Variants in SYNPO2 observed in about 807,000 individuals in gnomAD.
SYNPO2 encodes synaptopodin 2, also known as synaptopodin-2.
A neutral mutation model predicts 85.0 loss-of-function variants in SYNPO2; 56 were observed. The observed-to-expected ratio is 0.66, with a 90% CI of 0.53 to 0.82. The LOEUF (loss-of-function observed/expected upper bound fraction) is 0.82, where lower values mean the gene tolerates loss of function less well. Among genes scored for constraint, SYNPO2 ranks in the 40% least tolerant of loss-of-function variants. The pLI is 0.00. For missense variants in SYNPO2, 1,575 were observed against 1,534.2 expected (o/e 1.03, Z -0.44); for synonymous variants, 602 against 591.1 (o/e 1.02, Z -0.27).
At chr4:118,880,652 G>A (rs1289834828) in intron 1 of SYNPO2, among the ~76,000 whole-genome samples, 2 of 151,600 alleles carry the variant, frequency 1.3e-5, no homozygotes, top group Non-Finnish European at 2.9e-5. Flanking sequence ...GGCGGCTGAG[G>A]CAGGAAATTG....
chr4:119,037,031 C>A, intron 4 of SYNPO2: 1 of 1,381,526 alleles, frequency 7.2e-7, no homozygotes. Context: ...TTTTTTGGTT[C>A]CAAATGTAAA....
chr4:119,058,109 TATAC>T lies in SYNPO2; in HGVS notation c.*177_*180del. On this transcript the variant is annotated 3_prime_UTR_variant, in exon 5 of 5. Transcript: ENST00000307142. The stretch of plus-strand genomic sequence containing the variant: ...GTGTGTGTGTGTGTATGTATGTGAA[TATAC>T]ACACACACACACACACAGGTGAGTG... The T allele has an allele frequency of 9.5e-6, 5 of 527,008 alleles. No individual in the cohort carries two copies. Among genetic ancestry groups the T allele is most frequent in the Non-Finnish European group, 1.6e-5 (5 of 303,204 alleles). 32.6% of individuals were successfully genotyped at this position (527,008 alleles called of 1,614,324 possible).
chr4:118,870,925 A>G (rs1417420745), intron 1 of SYNPO2, among the ~76,000 whole-genome samples: 1 of 152,206 alleles, frequency 6.6e-6, no homozygotes, highest in Non-Finnish European at 1.5e-5. Flanking sequence ...GATGTTTAAA[A>G]AATCTTATTT....
At chr4:119,037,426 T>G in intron 4 of SYNPO2, 1 of 1,148,806 alleles carries the variant, frequency 8.7e-7, no homozygotes, top group Non-Finnish European at 1.1e-6. Flanking sequence ...AAAAATGTTC[T>G]TCTTGGAAGT....
In SYNPO2 at chr4:119,031,850, C is replaced by G; in HGVS notation, c.3075C>G (p.Tyr1025Ter). The change falls in exon 4 of 5, where the codon TAC becomes TAG. Residue 1025 changes from tyrosine to a stop codon, truncating the protein, a stop_gained. Transcript: ENST00000307142. LOFTEE classifies it high-confidence loss of function. ...CGAATGTGCAGGCTTCGTCAGTGTA[C>G]TCGGTACCAGCCTATACCTCTCCTC... is the stretch of plus-strand genomic sequence containing the variant. ...SPTNVQASSV[Y>*]SVPAYTSPPS... 1 of 1,614,216 alleles carries G rather than the reference C, an allele frequency of 6.2e-7. No individual in the cohort carries two copies. The highest frequency in any genetic ancestry group is 1.3e-5 in the African/African-American group (1 of 75,060).
chr4:118,880,554 C>T (rs775579912), intron 1 of SYNPO2, among the ~76,000 whole-genome samples: 1 of 152,016 alleles, frequency 6.6e-6, no homozygotes, highest in Non-Finnish European at 1.5e-5. Context: ...TCAAGACCAG[C>T]CTGGCCAAGA....
chr4:118,923,853 A>G (rs1733621520), intron 1 of SYNPO2, among the ~76,000 whole-genome samples: 1 of 150,410 alleles, frequency 6.6e-6, no homozygotes, highest in Non-Finnish European at 1.5e-5. Context: ...AAATTCTTGC[A>G]CGAGGAAAGG....
At chr4:119,019,558 CTG>C (rs5861405) in intron 1 of SYNPO2, among the ~76,000 whole-genome samples, 31,118 of 152,078 alleles carry the variant, frequency 0.2, 3,856 homozygotes, top group South Asian at 0.29. Flanking sequence ...ATATGTAACT[CTG>C]TGTGTGTAGA....
intron 1 of SYNPO2, among the ~76,000 whole-genome samples, chr4:119,012,074 C>A (rs1339511639): frequency 6.6e-6 from 1 of 152,056 alleles, no homozygotes; most frequent in Non-Finnish European, 1.5e-5. Flanking sequence ...AGGTACCTGC[C>A]ACCACGTCTG....
intron 1 of SYNPO2, among the ~76,000 whole-genome samples, chr4:118,944,641 C>G (rs1334124036): frequency 6.6e-6 from 1 of 152,018 alleles, no homozygotes. Context: ...AAAAAAACAC[C>G]CAATAATAAT....
At chr4:118,876,743 T>A (rs1265064449) in intron 1 of SYNPO2, among the ~76,000 whole-genome samples, 1 of 144,424 alleles carries the variant, frequency 6.9e-6, no homozygotes, top group African/African-American at 2.6e-5. Context: ...CTTTCTGCCT[T>A]TCTCTGTCTC....
intron 1 of SYNPO2, among the ~76,000 whole-genome samples, chr4:118,925,469 CT>C (rs1388859401): frequency 2.6e-5 from 4 of 152,022 alleles, no homozygotes; most frequent in African/African-American, 9.7e-5. Context: ...TTATCGTCAC[CT>C]ATGTCTCAGG....
exon 1 of SYNPO2, chr4:118,850,711 G>T (rs1383195827): frequency 2.5e-6 from 1 of 398,614 alleles, no homozygotes; most frequent in East Asian, 3.6e-5. Context: ...AAAATATTCA[G>T]AACATGTTGC....
At chr4:118,856,753 C>T (rs189912898) in intron 1 of SYNPO2, among the ~76,000 whole-genome samples, 25 of 152,214 alleles carry the variant, frequency 1.6e-4, no homozygotes, top group Admixed American at 1.4e-3. Context: ...CTCAAGCGAT[C>T]TGCTTGCCTT....
intron 1 of SYNPO2, among the ~76,000 whole-genome samples, chr4:118,999,354 G>A (rs1457537585): frequency 1.3e-5 from 2 of 151,966 alleles, no homozygotes; most frequent in African/African-American, 4.8e-5. Context: ...GTTTCATCAT[G>A]TTGTCCAGGC....
intron 4 of SYNPO2, among the ~76,000 whole-genome samples, chr4:119,051,187 T>TGTTTG (rs1553950325): frequency 6.9e-4 from 3 of 4,356 alleles, no homozygotes; most frequent in South Asian, 0.018. Context: ...TGGGAAGCAA[T>TGTTTG]TTTTTTTTTT....
At position 119,061,196 on chromosome 4, in the gene SYNPO2, G is replaced by A. The variant is rs1322032118; in HGVS notation, c.*3262G>A. ...TCACAAAAGACTGTATTTGAAATAT[G>A]CATACGGAAAATTGAAATTATATTA... On this transcript the variant is annotated 3_prime_UTR_variant, in exon 5 of 5. Coordinates refer to ENST00000307142, the MANE Select transcript of SYNPO2 (RefSeq NM_133477.3). 6.6e-6 allele frequency: 1 copy of A among 152,052 alleles called. No individual in the cohort carries two copies. Among genetic ancestry groups the A allele is most frequent in the Non-Finnish European group, 1.5e-5 (1 of 67,994 alleles). The allele number at this position is 152,052 out of a possible 1,614,324, so 9.4% of individuals were successfully genotyped here. A position where few individuals can be genotyped will look rare whatever the true frequency, so the allele number is the denominator to read the frequency against.
rs149500599 is a variant in SYNPO2 at position 119,053,531 on chromosome 4, G to A, written c.3253-3870G>A. ...TACATTTGTCATATGCATGTTTGGC[G>A]TGAGATTTTTGCTTTCAGCTTCAAT... On this transcript the variant is annotated intron_variant, in intron 4 of 4. Transcript: ENST00000307142. 6.6e-5 allele frequency among the ~76,000 whole-genome samples: 10 copies of A among 152,266 alleles called. No individual in the cohort carries two copies. In the East Asian group the frequency reaches 9.7e-4, roughly 15 times the overall value.
chr4:118,890,694 G>A (rs13141739), intron 1 of SYNPO2, among the ~76,000 whole-genome samples: 76 of 19,970 alleles, frequency 3.8e-3, no homozygotes, highest in Non-Finnish European at 0.011. Context: ...CTGTCTCATC[G>A]GTTTCTCTCT....
Sources: gnomAD v4.1 joint callset for allele counts (sites outside exome capture counted in the v4.1 genomes callset) on GRCh38, gnomAD v4.1.1 for gene constraint, MANE v1.5 for transcripts, NCBI Gene and HGNC (gene_info 2026-07-23, HGNC 2026-07-21) for gene names.